Variants in XK observed in about 807,000 individuals in gnomAD.
XK encodes the protein X-linked Kx blood group antigen, Kell and VPS13A binding protein.
A neutral mutation model predicts 14.0 loss-of-function variants in XK; 2 were observed. That is an observed-to-expected ratio of 0.14 (90% CI 0.06 to 0.45). XK has a LOEUF of 0.45. Among genes scored for constraint, XK ranks in the 20% least tolerant of loss-of-function variants. The probability of loss-of-function intolerance (pLI) is 0.98; values close to 1 mark genes in which losing one functional copy is unlikely to be tolerated. For missense variants in XK, 235 were observed against 341.5 expected, an observed-to-expected ratio of 0.69 and a Z score of 2.46; for synonymous variants, 149 against 147.5, an observed-to-expected ratio of 1.01 and a Z score of -0.08.
rs150155320 is a variant in XK at position 37,726,409 on chromosome X, T to C, written c.509-1227T>C. Among the ~76,000 whole-genome samples, 624 of 111,427 alleles carry C rather than the reference T, an allele frequency of 5.6e-3. 2 individuals are homozygous for C. The highest frequency in any genetic ancestry group is 9.2e-3 in the Middle Eastern group (2 of 217). On this transcript the variant is annotated intron_variant, in intron 2 of 2. Transcript: ENST00000378616. ...GGTGAGAAAACAGAACCCAGAGAGG[T>C]TGCCATTTTTTCAGTGTAAACTGGT...
At position 37,731,486 on chromosome X, in the gene XK, A is replaced by G. The variant is rs1205347730; in HGVS notation, c.*3024A>G. 1 of 112,522 alleles carries G rather than the reference A, an allele frequency of 8.9e-6. No homozygotes were observed. Among genetic ancestry groups the G allele is most frequent in the African/African-American group, 3.2e-5 (1 of 31,016 alleles). The allele number at this position is 112,522 out of a possible 1,213,427, so 9.3% of individuals were successfully genotyped here. A position where few individuals can be genotyped will look rare whatever the true frequency, so the allele number is the denominator to read the frequency against. ...AACCTACCTCACAAGGTTATCAGAA[A>G]GATCAAATTAAATAATAGATGTGAA... On this transcript the variant is annotated 3_prime_UTR_variant, in exon 3 of 3. Transcript: ENST00000378616.
At chrX:37,687,205 A>ACC (rs1281523824) in intron 1 of XK, among the ~76,000 whole-genome samples, 1 of 107,190 alleles carries the variant, frequency 9.3e-6, no homozygotes, top group Non-Finnish European at 1.9e-5. Context: ...ACACACACAC[A>ACC]CACACACACA....
At position 37,708,459 on chromosome X, in the gene XK, C is replaced by G. The variant is rs1400632870; in HGVS notation, c.508+13911C>G. The stretch of plus-strand genomic sequence containing the variant: ...CCCCTGTTGACACCTTGACTTCAGC[C>G]CAGCCAAACTGATTTCAGACTTCTG... On this transcript the variant is annotated intron_variant, in intron 2 of 2. Coordinates refer to ENST00000378616, the MANE Select transcript of XK (RefSeq NM_021083.4). Among the ~76,000 whole-genome samples the G allele has an allele frequency of 2.7e-5, 3 of 111,648 alleles. No homozygotes were observed. In the East Asian group the frequency reaches 8.4e-4, roughly 31 times the overall value.
chrX:37,686,136 C>T lies in XK; in HGVS notation c.175C>T (p.His59Tyr). ...CGTGCAGCTCACGCTTCTCTTCGTA[C>T]ACCGCGACCTCAGCCGCGACCGCCC... ...ALVQLTLLFV[H>Y]RDLSRDRPLV... Residue 59 changes from histidine (H) to tyrosine (Y), a missense_variant, in exon 1 of 3, where the codon CAC becomes TAC. Coordinates refer to ENST00000378616, the MANE Select transcript of XK (RefSeq NM_021083.4). 1 of 1,210,559 alleles carries T rather than the reference C, an allele frequency of 8.3e-7. No individual in the cohort carries two copies. The highest frequency in any genetic ancestry group is 1.1e-6 in the Non-Finnish European group (1 of 894,985).
At chrX:37,692,073 A>G (rs1215564560) in intron 1 of XK, among the ~76,000 whole-genome samples, 3 of 112,179 alleles carry the variant, frequency 2.7e-5, no homozygotes, top group African/African-American at 9.7e-5. Flanking sequence ...TTGATATATT[A>G]GGGTTTATTT....
At chrX:37,716,638 T>C (rs1556447853) in intron 2 of XK, among the ~76,000 whole-genome samples, 1 of 111,616 alleles carries the variant, frequency 9.0e-6, no homozygotes, top group East Asian at 2.8e-4. Context: ...TACCTGAAAA[T>C]CTGCAGTAGA....
At chrX:37,727,497 A>T (rs1928000003) in intron 2 of XK, 139 bp from the exon 3 acceptor site, 2 of 555,309 alleles carry the variant, frequency 3.6e-6, no homozygotes, top group African/African-American at 4.5e-5. Flanking sequence ...CAGTGGGCAG[A>T]TGCTAACAAC....
At chrX:37,723,442 G>A (rs1050176582) in intron 2 of XK, among the ~76,000 whole-genome samples, 1 of 111,250 alleles carries the variant, frequency 9.0e-6, no homozygotes, top group Non-Finnish European at 1.9e-5. Context: ...ACATTTTGTA[G>A]TGAGCACCCA....
intron 2 of XK, among the ~76,000 whole-genome samples, chrX:37,695,221 C>G (rs1927285937): frequency 8.9e-6 from 1 of 112,088 alleles, no homozygotes; most frequent in African/African-American, 3.3e-5. Flanking sequence ...AACACAGCTA[C>G]TGGAGGCTGC....
Position 37,727,734 on chromosome X carries a change from G to T in XK, c.607G>T (p.Val203Leu). The T allele has an allele frequency of 8.3e-7, 1 of 1,211,541 alleles. No individual in the cohort carries two copies. Among genetic ancestry groups the T allele is most frequent in the Non-Finnish European group, 1.1e-6 (1 of 895,409 alleles). ...KIKYDEYEVK[V>L]KPLAYVCIFL... ...CAAGTACGATGAGTATGAAGTCAAA[G>T]TGAAGCCTCTGGCCTATGTCTGTAT... The change falls in exon 3 of 3, where the codon GTG becomes TTG. Residue 203 changes from valine to leucine, a missense_variant. By Grantham distance (32) the Val-to-Leu change is conservative. Transcript: ENST00000378616.
At chrX:37,699,821 A>G (rs1927375866) in intron 2 of XK, among the ~76,000 whole-genome samples, 1 of 111,630 alleles carries the variant, frequency 9.0e-6, no homozygotes, top group African/African-American at 3.3e-5. Flanking sequence ...GGCTCAGTGA[A>G]CACCAATAAT....
In XK at chrX:37,706,332, A is replaced by T. The variant is rs782451977; in HGVS notation, c.508+11784A>T. ...AGACCTTGACACATTCTTAATGCAA[A>T]TTTTTTTTGTTTTTGAAGAGAATAA... On this transcript the variant is annotated intron_variant, in intron 2 of 2. Transcript: ENST00000378616. Among the ~76,000 whole-genome samples the T allele has an allele frequency of 7.2e-5, 8 of 111,071 alleles. No homozygotes were observed. The East Asian group carries it at 1.1e-3, about 16-fold the overall frequency.
intron 2 of XK, among the ~76,000 whole-genome samples, chrX:37,712,959 G>A (rs1336762417): frequency 2.7e-5 from 3 of 111,969 alleles, no homozygotes; most frequent in Non-Finnish European, 5.6e-5. Flanking sequence ...GCACAACAGT[G>A]TCGAGGATCC....
chrX:37,712,776 G>A (rs1927691867), intron 2 of XK, among the ~76,000 whole-genome samples: 1 of 111,994 alleles, frequency 8.9e-6, no homozygotes, highest in South Asian at 3.7e-4. Flanking sequence ...GAGTTAGGCA[G>A]GGAAGTTAAA....
At chrX:37,725,026 C>A (rs782461712) in intron 2 of XK, among the ~76,000 whole-genome samples, 1 of 111,425 alleles carries the variant, frequency 9.0e-6, no homozygotes, top group East Asian at 2.8e-4. Context: ...TTCTCAACAA[C>A]GTGAATGAAC....
At chrX:37,699,532 G>A (rs1239721062) in intron 2 of XK, among the ~76,000 whole-genome samples, 7 of 111,682 alleles carry the variant, frequency 6.3e-5, no homozygotes, top group African/African-American at 2.3e-4. Context: ...ATGGGGGGGT[G>A]ACATTTGAAC....
chrX:37,711,923 G>A (rs1298144906), intron 2 of XK, among the ~76,000 whole-genome samples: 1 of 111,159 alleles, frequency 9.0e-6, no homozygotes, highest in Non-Finnish European at 1.9e-5. Flanking sequence ...AGCTAGAAGT[G>A]GGAAAATAGA....
intron 1 of XK, among the ~76,000 whole-genome samples, chrX:37,687,905 G>A (rs1927115394): frequency 9.0e-6 from 1 of 110,552 alleles, no homozygotes; most frequent in South Asian, 3.9e-4. Flanking sequence ...TAAAAGTCCT[G>A]CAACCTGGAG....
At chrX:37,717,135 T>C (rs1556447996) in intron 2 of XK, among the ~76,000 whole-genome samples, 2 of 111,641 alleles carry the variant, frequency 1.8e-5, no homozygotes, top group Non-Finnish European at 3.8e-5. Context: ...CTTGGTGGAT[T>C]CTCCAGACTC....
Sources: allele counts gnomAD v4.1 joint callset (sites outside exome capture counted in the v4.1 genomes callset), GRCh38; gene constraint gnomAD v4.1.1; transcripts MANE v1.5; gene names NCBI Gene and HGNC (gene_info 2026-07-23, HGNC 2026-07-21).